TSPEAR: variants seen among roughly 807,000 people sequenced by gnomAD.
TSPEAR encodes thrombospondin-type laminin G domain and EAR repeat-containing protein.
TSPEAR carries 69 observed loss-of-function variants against 71.6 expected under a neutral mutation model. That is an observed-to-expected ratio of 0.96 (90% CI 0.79 to 1.18). The LOEUF is 1.18. Among genes scored for constraint, TSPEAR ranks in the 50% most tolerant of loss-of-function variants. TSPEAR has a pLI of 0.00. For synonymous variants in TSPEAR, 402 were observed against 387.2 expected (o/e 1.04, Z -0.45); for missense variants, 971 against 894.9 (o/e 1.09, Z -1.09).
At position 44,644,921 on chromosome 21, in the gene TSPEAR, C is replaced by T. The variant is rs184480969; in HGVS notation, c.82+66512G>A. On this transcript the variant is annotated intron_variant, in intron 1 of 11. Coordinates refer to ENST00000323084, the MANE Select transcript of TSPEAR (RefSeq NM_144991.3). ...AGAACAATAAAAAGAAACCCAAATG[C>T]TCCCAGAGAGTTAAGGAAAGAGAGA... 2.4e-4 allele frequency among the ~76,000 whole-genome samples: 30 copies of T among 123,672 alleles called. No individual in the cohort carries two copies. The Middle Eastern group carries it at 0.011, about 47-fold the overall frequency. 81.1% of individuals were successfully genotyped at this position (123,672 alleles called of 152,430 possible).
chr21:44,501,172 G>T (rs1331226703), intron 11 of TSPEAR, among the ~76,000 whole-genome samples: 1 of 152,214 alleles, frequency 6.6e-6, no homozygotes, highest in Non-Finnish European at 1.5e-5. Flanking sequence ...ATTTATGGCC[G>T]GGCGGGGTGG....
At chr21:44,555,657 G>A (rs1230433023) in intron 2 of TSPEAR, among the ~76,000 whole-genome samples, 1 of 141,090 alleles carries the variant, frequency 7.1e-6, no homozygotes, top group Non-Finnish European at 1.5e-5. Flanking sequence ...CCCCCACCCC[G>A]GCCACACACA....
At chr21:44,613,016 C>G in intron 1 of TSPEAR, 1 of 1,297,296 alleles carries the variant, frequency 7.7e-7, no homozygotes, top group South Asian at 1.4e-5. Flanking sequence ...CTGAGGTGAC[C>G]TCTCCCTCCT....
At chr21:44,666,153 T>C (rs1472956620) in intron 1 of TSPEAR, 1 of 407,060 alleles carries the variant, frequency 2.5e-6, no homozygotes, top group Non-Finnish European at 4.4e-6. Flanking sequence ...TAGCAGGGAG[T>C]ATGGAAATAA....
intron 1 of TSPEAR, among the ~76,000 whole-genome samples, chr21:44,590,970 G>A (rs1325566657): frequency 5.9e-5 from 9 of 152,102 alleles, no homozygotes; most frequent in Non-Finnish European, 1.5e-5. Flanking sequence ...GGGGTCCACA[G>A]ACAGGATGAA....
chr21:44,643,183 C>T (rs1418298681), intron 1 of TSPEAR, among the ~76,000 whole-genome samples: 2 of 152,212 alleles, frequency 1.3e-5, no homozygotes, highest in Non-Finnish European at 2.9e-5. Flanking sequence ...CTGCAGACCT[C>T]ACTTATTTGT....
At chr21:44,685,434 C>T in intron 1 of TSPEAR, among the ~76,000 whole-genome samples, 1 of 152,122 alleles carries the variant, frequency 6.6e-6, no homozygotes, top group Non-Finnish European at 1.5e-5. Flanking sequence ...TTCCCCCAAG[C>T]TGCCTCTGCA....
chr21:44,645,186 A>C (rs1601522890), intron 1 of TSPEAR, among the ~76,000 whole-genome samples: 2 of 152,232 alleles, frequency 1.3e-5, no homozygotes, highest in South Asian at 4.1e-4. Flanking sequence ...TCTTTCACCA[A>C]GGCAAAATGA....
chr21:44,704,157 G>T (rs1243148226), intron 1 of TSPEAR, among the ~76,000 whole-genome samples: 1 of 152,134 alleles, frequency 6.6e-6, no homozygotes, highest in Non-Finnish European at 1.5e-5. Flanking sequence ...GGTGTAAATG[G>T]GTTCAGACAG....
intron 2 of TSPEAR, among the ~76,000 whole-genome samples, chr21:44,557,012 C>G (rs1265857596): frequency 2.6e-5 from 4 of 152,160 alleles, no homozygotes; most frequent in African/African-American, 9.7e-5. Flanking sequence ...GCATGTACTT[C>G]CCTAGGGAGC....
At chr21:44,625,190 G>A (rs372664404) in intron 1 of TSPEAR, among the ~76,000 whole-genome samples, 1 of 152,196 alleles carries the variant, frequency 6.6e-6, no homozygotes, top group Non-Finnish European at 1.5e-5. Context: ...AGACTGAGTG[G>A]TGAACAAGAC....
At position 44,711,259 on chromosome 21, in the gene TSPEAR, C is replaced by A. The variant is rs1402383211; in HGVS notation, c.82+174G>T. 6.6e-6 allele frequency among the ~76,000 whole-genome samples: 1 copy of A among 152,088 alleles called. No individual in the cohort carries two copies. The highest frequency in any genetic ancestry group is 1.5e-5 in the Non-Finnish European group (1 of 68,028). ...CTGCCCTGCGCTTTCATCTTCCCCA[C>A]CTGTGCTCCTCCCGCCTCTGCCCAT... On this transcript the variant is annotated intron_variant, in intron 1 of 11. Coordinates refer to ENST00000323084, the MANE Select transcript of TSPEAR (RefSeq NM_144991.3). The surrounding 1 kb of genome is among the most constrained non-coding windows in gnomAD (Gnocchi z 4.5).
At chr21:44,656,273 C>T (rs1252372202) in intron 1 of TSPEAR, among the ~76,000 whole-genome samples, 1 of 152,220 alleles carries the variant, frequency 6.6e-6, no homozygotes, top group African/African-American at 2.4e-5. Context: ...CCCTGTTCCT[C>T]CTACTCCTTC....
intron 1 of TSPEAR, among the ~76,000 whole-genome samples, chr21:44,665,473 G>A (rs1555944459): frequency 6.6e-6 from 1 of 152,180 alleles, no homozygotes; most frequent in African/African-American, 2.4e-5. Context: ...ACGCAGACTG[G>A]GAAAAGCAAG....
chr21:44,684,041 C>A (rs1986741726), intron 1 of TSPEAR, among the ~76,000 whole-genome samples: 1 of 152,172 alleles, frequency 6.6e-6, no homozygotes, highest in Admixed American at 6.5e-5. Context: ...CATCCAGGCA[C>A]ATCATGAAGT....
chr21:44,612,936 C>T lies in TSPEAR; in HGVS notation c.83-44931G>A, dbSNP rs1160564720. On this transcript the variant is annotated intron_variant, in intron 1 of 11. Coordinates refer to ENST00000323084, the MANE Select transcript of TSPEAR (RefSeq NM_144991.3). This position sits in a 1 kb window ranked among gnomAD's most constrained non-coding sequence, Gnocchi z 4.1. ...TGATGGGCACGTCCCCCAGGGCCAGCCGGCTCCGGTCCTGTCCTGGGTTAA... is the reference window on the plus strand; with the variant it reads ...TGATGGGCACGTCCCCCAGGGCCAGTCGGCTCCGGTCCTGTCCTGGGTTAA... 68 of 1,592,656 alleles carry T rather than the reference C, an allele frequency of 4.3e-5. No individual in the cohort carries two copies. The highest frequency in any genetic ancestry group is 5.6e-5 in the Non-Finnish European group (66 of 1,172,472).
At chr21:44,550,094 C>A (rs782648197) in intron 2 of TSPEAR, among the ~76,000 whole-genome samples, 63 of 152,370 alleles carry the variant, frequency 4.1e-4, no homozygotes, top group African/African-American at 1.4e-3. Context: ...ACCCACAGTG[C>A]GTGGGGCGTT....
In TSPEAR at chr21:44,612,010, T is replaced by C; in HGVS notation, c.83-44005A>G. ...GCTTGTGAGACTCCTGTGAGGAAAA[T>C]ACCCAGGGAGGGTATAAAACCTCAG... On this transcript the variant is annotated intron_variant, in intron 1 of 11. Coordinates refer to ENST00000323084, the MANE Select transcript of TSPEAR (RefSeq NM_144991.3). This position sits in a 1 kb window ranked among gnomAD's most constrained non-coding sequence, Gnocchi z 4.1. 7.5e-7 allele frequency: 1 copy of C among 1,339,082 alleles called. No homozygotes were observed. The allele number at this position is 1,339,082 out of a possible 1,614,324, so 83.0% of individuals were successfully genotyped here.
At chr21:44,702,292 G>A (rs552237900) in intron 1 of TSPEAR, 25 of 1,609,200 alleles carry the variant, frequency 1.6e-5, no homozygotes, top group African/African-American at 1.2e-4. Context: ...CCCCTGCTGC[G>A]CCGCCAGCTG....
Sources: allele counts gnomAD v4.1 joint callset (sites outside exome capture counted in the v4.1 genomes callset), GRCh38; gene constraint gnomAD v4.1.1; non-coding constraint Gnocchi (gnomAD v3.1); transcripts MANE v1.5; gene names NCBI Gene and HGNC (gene_info 2026-07-23, HGNC 2026-07-21).